APBA2: variants seen among roughly 807,000 people sequenced by gnomAD.
APBA2 encodes amyloid beta precursor protein binding family A member 2, also known as amyloid-beta A4 precursor protein-binding family A member 2.
Under a neutral mutation model 75.0 loss-of-function variants are expected in APBA2, and 30 were observed. The ratio of observed to expected loss-of-function variants is 0.40; its 90% CI spans 0.30 to 0.54. The LOEUF (loss-of-function observed/expected upper bound fraction) is 0.54, where lower values mean the gene tolerates loss of function less well. Among genes scored for constraint, APBA2 ranks in the 20% least tolerant of loss-of-function variants. The pLI is 0.49. For missense variants in APBA2, 801 were observed against 1,016.1 expected, an observed-to-expected ratio of 0.79 and a Z score of 2.88; for synonymous variants, 444 against 409.6, an observed-to-expected ratio of 1.08 and a Z score of -1.01.
At position 29,057,800 on chromosome 15, in the gene APBA2, C is replaced by G. The variant is rs540704558; in HGVS notation, c.951+2965C>G. Among the ~76,000 whole-genome samples the G allele has an allele frequency of 9.8e-5, 15 of 152,320 alleles. No homozygotes were observed. In the East Asian group the frequency reaches 2.7e-3, roughly 27 times the overall value. The stretch of plus-strand genomic sequence containing the variant: ...TTAGGTGTAAGGCTGCCACAGACAT[C>G]TTTGTACAAACCATGTTTTCCTTCT... On this transcript the variant is annotated intron_variant, in intron 4 of 14. Coordinates refer to ENST00000683413, the MANE Select transcript of APBA2 (RefSeq NM_001353788.2).
At chr15:28,987,725 G>GATAT (rs1469936230) in intron 2 of APBA2, among the ~76,000 whole-genome samples, 1,910 of 118,416 alleles carry the variant, frequency 0.016, 119 homozygotes, top group African/African-American at 0.072. Flanking sequence ...AATATGTGGA[G>GATAT]AGAGATATAT....
intron 4 of APBA2, among the ~76,000 whole-genome samples, chr15:29,057,502 C>T (rs1012868029): frequency 6.6e-6 from 1 of 152,170 alleles, no homozygotes; most frequent in African/African-American, 2.4e-5. Flanking sequence ...TCCCTACTAC[C>T]CTAACGGATG....
At chr15:29,016,148 T>A (rs1451876653) in intron 3 of APBA2, among the ~76,000 whole-genome samples, 2 of 152,038 alleles carry the variant, frequency 1.3e-5, no homozygotes, top group African/African-American at 4.8e-5. Context: ...TCCCAGCTAC[T>A]TGGGAGGCTG....
chr15:29,012,326 T>A (rs926158064), intron 3 of APBA2, among the ~76,000 whole-genome samples: 1 of 152,216 alleles, frequency 6.6e-6, no homozygotes, highest in Non-Finnish European at 1.5e-5. Flanking sequence ...AGTGGTCAGG[T>A]ATTCTATAGA....
At chr15:28,982,812 G>T (rs1202005613) in intron 2 of APBA2, among the ~76,000 whole-genome samples, 1 of 152,232 alleles carries the variant, frequency 6.6e-6, no homozygotes, top group Non-Finnish European at 1.5e-5. Flanking sequence ...GGGGGACCTG[G>T]CAGGGCTGCC....
chr15:28,941,710 G>A (rs1322642403), intron 2 of APBA2, among the ~76,000 whole-genome samples: 1 of 152,186 alleles, frequency 6.6e-6, no homozygotes, highest in Non-Finnish European at 1.5e-5. Flanking sequence ...CTTCTTCCCT[G>A]CCTGAGGATT....
In APBA2 at chr15:29,046,180, A is replaced by G. The variant is rs1016321008; in HGVS notation, c.-40-7665A>G. On this transcript the variant is annotated intron_variant, in intron 3 of 14. Transcript: ENST00000683413. This position sits in a 1 kb window ranked among gnomAD's most constrained non-coding sequence, Gnocchi z 5.0. ...AAGGCTGCAAACTGCTTCTGTGCAA[A>G]AGGCAATGTGTTAGTTCCTTGCAGG... 1.3e-5 allele frequency among the ~76,000 whole-genome samples: 2 copies of G among 152,208 alleles called. No individual in the cohort carries two copies. The highest frequency in any genetic ancestry group is 2.9e-5 in the Non-Finnish European group (2 of 68,042).
chr15:29,039,101 GTGTGTGTGTGTGT>G (rs2040897549), intron 3 of APBA2, among the ~76,000 whole-genome samples: 3 of 28,682 alleles, frequency 1.0e-4, no homozygotes, highest in Admixed American at 4.8e-4. Flanking sequence ...ATGTCAGGGT[GTGTGTGTGTGTGT>G]GTGTGTGTGT....
intron 2 of APBA2, among the ~76,000 whole-genome samples, chr15:28,988,584 C>T (rs2038052891): frequency 6.6e-6 from 1 of 152,176 alleles, no homozygotes. Flanking sequence ...TTTTGCTTAA[C>T]ATTATGTTTG....
intron 2 of APBA2, among the ~76,000 whole-genome samples, chr15:28,989,434 C>G (rs748673387): frequency 1.3e-5 from 2 of 152,174 alleles, no homozygotes; most frequent in African/African-American, 2.4e-5. Flanking sequence ...ACAAGATAGA[C>G]TAATGCAACC....
intron 3 of APBA2, among the ~76,000 whole-genome samples, chr15:29,045,329 A>T (rs1325463961): frequency 1.3e-5 from 2 of 148,348 alleles, no homozygotes; most frequent in Non-Finnish European, 3.0e-5. Flanking sequence ...AGACCATGTG[A>T]TCTGCCAGCC....
intron 3 of APBA2, among the ~76,000 whole-genome samples, chr15:29,018,915 G>T (rs950227184): frequency 6.6e-6 from 1 of 152,134 alleles, no homozygotes; most frequent in African/African-American, 2.4e-5. Context: ...CTTTAACTGG[G>T]ACATGAGGAT....
intron 1 of APBA2, among the ~76,000 whole-genome samples, chr15:28,892,537 G>T (rs1215831758): frequency 6.6e-6 from 1 of 151,814 alleles, no homozygotes; most frequent in African/African-American, 2.4e-5. Flanking sequence ...GAGTAGGTTT[G>T]TATAAAGTAT....
intron 3 of APBA2, among the ~76,000 whole-genome samples, chr15:29,051,204 A>T (rs1274719102): frequency 6.6e-6 from 1 of 152,134 alleles, no homozygotes; most frequent in African/African-American, 2.4e-5. Flanking sequence ...AGTGTTCTTG[A>T]TGTGTCCTCT....
intron 8 of APBA2, among the ~76,000 whole-genome samples, chr15:29,096,767 A>C (rs1165573443): frequency 1.3e-5 from 2 of 152,364 alleles, no homozygotes; most frequent in Non-Finnish European, 2.9e-5. Flanking sequence ...ATTAAATCAT[A>C]GTTTTTGCTG....
chr15:28,911,990 A>G (rs1595441354), intron 1 of APBA2, among the ~76,000 whole-genome samples: 1 of 152,328 alleles, frequency 6.6e-6, no homozygotes, highest in South Asian at 2.1e-4. Context: ...ATCTTCGGAA[A>G]TCCTATATAG....
chr15:29,090,714 T>G (rs1022337058), intron 6 of APBA2, among the ~76,000 whole-genome samples: 4 of 152,120 alleles, frequency 2.6e-5, no homozygotes, highest in African/African-American at 9.7e-5. Flanking sequence ...CATCTAGTGG[T>G]CAATGAGAGC....
At chr15:29,015,849 C>T (rs968195561) in intron 3 of APBA2, among the ~76,000 whole-genome samples, 15 of 152,168 alleles carry the variant, frequency 9.9e-5, no homozygotes, top group East Asian at 1.9e-4. Context: ...CCATGTGACC[C>T]GGGGCAGATC....
At chr15:28,969,582 C>T (rs1307059858) in intron 2 of APBA2, among the ~76,000 whole-genome samples, 1 of 152,150 alleles carries the variant, frequency 6.6e-6, no homozygotes, top group African/African-American at 2.4e-5. Flanking sequence ...CATGCCCCTC[C>T]CTGATCAGCA....
Sources: allele counts gnomAD v4.1 joint callset (sites outside exome capture counted in the v4.1 genomes callset), GRCh38; gene constraint gnomAD v4.1.1; non-coding constraint Gnocchi (gnomAD v3.1); transcripts MANE v1.5; gene names NCBI Gene and HGNC (gene_info 2026-07-23, HGNC 2026-07-21).